Variants in TMEM178B observed in about 807,000 individuals in gnomAD.
TMEM178B encodes transmembrane protein 178B.
A neutral mutation model predicts 31.0 loss-of-function variants in TMEM178B; 5 were observed. The ratio of observed to expected loss-of-function variants is 0.16; its 90% confidence interval spans 0.08 to 0.34. The LOEUF (loss-of-function observed/expected upper bound fraction) is 0.34. Among genes scored for constraint, TMEM178B ranks in the 10% least tolerant of loss-of-function variants. The probability of loss-of-function intolerance (pLI) is 1.00; values close to 1 mark genes in which losing one functional copy is unlikely to be tolerated. For missense variants in TMEM178B, 275 were observed against 400.3 expected (o/e 0.69, Z 2.67); for synonymous variants, 164 against 164.0 (o/e 1.00, Z 0.00).
chr7:141,146,611 A>G (rs1379878115), intron 1 of TMEM178B, among the ~76,000 whole-genome samples: 1 of 152,220 alleles, frequency 6.6e-6, no homozygotes, highest in Non-Finnish European at 1.5e-5. Context: ...CTGCTATATA[A>G]CAACCACTAT....
At chr7:141,202,602 C>T (rs1443617752) in intron 1 of TMEM178B, among the ~76,000 whole-genome samples, 5 of 152,134 alleles carry the variant, frequency 3.3e-5, no homozygotes, top group East Asian at 1.9e-4. Flanking sequence ...AAAATAAAAA[C>T]GTAGATAACA....
chr7:141,252,206 G>A (rs1797844651), intron 2 of TMEM178B, among the ~76,000 whole-genome samples: 1 of 152,160 alleles, frequency 6.6e-6, no homozygotes, highest in Non-Finnish European at 1.5e-5. Context: ...CTGGTATGGG[G>A]CAGGTACCAG....
intron 2 of TMEM178B, among the ~76,000 whole-genome samples, chr7:141,214,729 C>T (rs1440541743): frequency 2.6e-5 from 4 of 151,892 alleles, no homozygotes; most frequent in South Asian, 4.1e-4. Context: ...TTGAGCCCTG[C>T]GTGTCTCCAG....
At chr7:141,127,140 A>G (rs1282654808) in intron 1 of TMEM178B, among the ~76,000 whole-genome samples, 1 of 152,032 alleles carries the variant, frequency 6.6e-6, no homozygotes, top group East Asian at 1.9e-4. Flanking sequence ...TAGTGTCCCT[A>G]CCTCTTGGGC....
chr7:141,334,419 G>T (rs768570096), intron 2 of TMEM178B, among the ~76,000 whole-genome samples: 5 of 152,186 alleles, frequency 3.3e-5, no homozygotes, highest in African/African-American at 1.2e-4. Flanking sequence ...CTCATAGAAC[G>T]TAGTCATCAC....
rs78544505 is a variant in TMEM178B, at chr7:141,075,366, T to C, written c.382+674T>C. ...AGTAAAAAAAAAATAGTTCTTTCAG[T>C]AACATCAAAGTGGGCATGTCAGAGA... On this transcript the variant is annotated intron_variant, in intron 1 of 3. Coordinates refer to ENST00000565468, the MANE Select transcript of TMEM178B (RefSeq NM_001195278.2). Among the ~76,000 whole-genome samples, 1,270 of 152,228 alleles carry C rather than the reference T, an allele frequency of 8.3e-3. 8 individuals are homozygous for C. Among genetic ancestry groups the C allele is most frequent in the Middle Eastern group, 0.017 (5 of 294 alleles).
intron 2 of TMEM178B, among the ~76,000 whole-genome samples, chr7:141,426,626 A>T (rs567988851): frequency 5.2e-4 from 79 of 152,306 alleles, no homozygotes; most frequent in African/African-American, 1.8e-3. Flanking sequence ...TGGGGGGCTT[A>T]GAGAAAGATG....
the TMEM178B span, among the ~76,000 whole-genome samples, chr7:141,499,232 C>T: frequency 4.5e-4 from 68 of 152,174 alleles, no homozygotes; most frequent in South Asian, 0.013. Flanking sequence ...GGTAGTATTT[C>T]AGTGTACATT....
intron 1 of TMEM178B, among the ~76,000 whole-genome samples, chr7:141,149,576 A>G (rs1044920707): frequency 6.6e-6 from 1 of 152,316 alleles, no homozygotes; most frequent in Non-Finnish European, 1.5e-5. Flanking sequence ...TCCTTTACAG[A>G]TGTAAGTTAA....
intron 1 of TMEM178B, among the ~76,000 whole-genome samples, chr7:141,101,585 T>G (rs1167310564): frequency 6.6e-6 from 1 of 152,270 alleles, no homozygotes; most frequent in South Asian, 2.1e-4. Context: ...ACATGTCTCA[T>G]GATGCATAAG....
intron 3 of TMEM178B, among the ~76,000 whole-genome samples, chr7:141,458,142 T>A (rs1586974138): frequency 1.3e-5 from 2 of 152,212 alleles, no homozygotes; most frequent in East Asian, 1.9e-4. Context: ...TTGTTTGAGA[T>A]GAAATCTCAC....
chr7:141,362,304 C>T (rs921067331), intron 2 of TMEM178B, among the ~76,000 whole-genome samples: 1 of 152,186 alleles, frequency 6.6e-6, no homozygotes, highest in Non-Finnish European at 1.5e-5. Context: ...AAAAATCACT[C>T]AATTCCAATG....
intron 2 of TMEM178B, among the ~76,000 whole-genome samples, chr7:141,299,700 T>C (rs1798692077): frequency 6.6e-6 from 1 of 152,230 alleles, no homozygotes. Context: ...TCCTCTCTTC[T>C]GTCCCTTCTT....
rs569307949 is a variant in TMEM178B, at chr7:141,199,729, G to T, written c.383-12862G>T. 9.2e-5 allele frequency among the ~76,000 whole-genome samples: 14 copies of T among 152,196 alleles called. 1 individual carries two copies. The highest frequency in any genetic ancestry group is 2.6e-4 in the African/African-American group (11 of 41,534). ...AGCCTCCAAGAAGCTGAAACTACAG[G>T]TGCAGGCCACCATGCCTGGCTAAAT... On this transcript the variant is annotated intron_variant, in intron 1 of 3. Transcript: ENST00000565468.
At chr7:141,485,312 G>A (rs1311715111), downstream of TMEM178B, among the ~76,000 whole-genome samples, 1 of 152,156 alleles carries the variant, frequency 6.6e-6, no homozygotes, top group African/African-American at 2.4e-5. Context: ...TTAACTCACG[G>A]TTACACGTAA....
At chr7:141,415,795 G>T (rs1410040296) in intron 2 of TMEM178B, among the ~76,000 whole-genome samples, 1 of 152,162 alleles carries the variant, frequency 6.6e-6, no homozygotes, top group East Asian at 1.9e-4. Flanking sequence ...CTGAATTAGA[G>T]GCACAGGCAG....
At chr7:141,245,170 CAAAAAAAAAAAAAAAAAAAAAAAAAAAA>C (rs59281560) in intron 2 of TMEM178B, among the ~76,000 whole-genome samples, 3 of 23,090 alleles carry the variant, frequency 1.3e-4, no homozygotes, top group African/African-American at 4.9e-4. Flanking sequence ...ACTCCATCAC[CAAAAAAAAAAAAAAAAAAAAAAAAAAAA>C]AAAAAAAAAA....
chr7:141,364,389 G>A (rs1477524514), intron 2 of TMEM178B, among the ~76,000 whole-genome samples: 18 of 152,092 alleles, frequency 1.2e-4, no homozygotes, highest in Admixed American at 9.2e-4. Flanking sequence ...GGCTGGGCAC[G>A]GTGGCTCACG....
intron 1 of TMEM178B, among the ~76,000 whole-genome samples, chr7:141,201,680 A>G (rs1796879366): frequency 6.6e-6 from 1 of 152,158 alleles, no homozygotes; most frequent in Admixed American, 6.5e-5. Context: ...ACAGGAATGT[A>G]GCTGAGACTT....
Sources: allele counts gnomAD v4.1 joint callset (sites outside exome capture counted in the v4.1 genomes callset), GRCh38; gene constraint gnomAD v4.1.1; transcripts MANE v1.5; gene names NCBI Gene and HGNC (gene_info 2026-07-23, HGNC 2026-07-21).